Variants in MTPN observed in about 807,000 individuals in gnomAD.
MTPN encodes the protein myotrophin, also known as granule cell differentiation protein.
Under a neutral mutation model 13.5 loss-of-function variants are expected in MTPN, and 2 were observed. That is an observed-to-expected ratio of 0.15 (90% CI 0.06 to 0.47). The LOEUF is 0.47. Among genes scored for constraint, MTPN ranks in the 20% least tolerant of loss-of-function variants. The probability of loss-of-function intolerance (pLI) is 0.97; values close to 1 mark genes in which losing one functional copy is unlikely to be tolerated. For synonymous variants in MTPN, 46 were observed against 51.7 expected, an observed-to-expected ratio of 0.89 and a Z score of 0.48; for missense variants, 79 against 137.9, an observed-to-expected ratio of 0.57 and a Z score of 2.14.
In MTPN at chr7:135,950,629, A is replaced by G; in HGVS notation, c.240T>C (p.His80=). 1 of 1,613,490 alleles carries G rather than the reference A, an allele frequency of 6.2e-7. No homozygotes were observed. The change falls in exon 3 of 4, where the codon CAT becomes CAC. Residue 80 remains histidine (H), a synonymous_variant. Coordinates refer to ENST00000393085, the MANE Select transcript of MTPN (RefSeq NM_145808.4). ...TPLLSAVYEG[H]VSCVKLLLSK... Reference sequence around the variant, plus strand: ...ACAGAAGCAATTTCACACAGGAAACATGACCCTCATAGACAGCAGACAGAA... The same window carrying G: ...ACAGAAGCAATTTCACACAGGAAACGTGACCCTCATAGACAGCAGACAGAA...
At position 135,972,971 on chromosome 7, in the gene MTPN, G is replaced by A. The variant is rs573248649; in HGVS notation, c.72+4058C>T. Among the ~76,000 whole-genome samples, 4 of 151,870 alleles carry A rather than the reference G, an allele frequency of 2.6e-5. No individual in the cohort carries two copies. The East Asian group carries it at 8.0e-4, about 30-fold the overall frequency. On this transcript the variant is annotated intron_variant, in intron 1 of 3. Transcript: ENST00000393085. ...TCTACAAGGAAGAAACAGGATGGCA[G>A]GGTCTGGAGCAGAGTGCTTAGAGAG...
chr7:135,931,408 C>G (rs1162968382), intron 3 of MTPN, among the ~76,000 whole-genome samples: 1 of 152,094 alleles, frequency 6.6e-6, no homozygotes, highest in Non-Finnish European at 1.5e-5. Flanking sequence ...CAAGGAAGTA[C>G]AGGCTGATTA....
intron 1 of MTPN, among the ~76,000 whole-genome samples, chr7:135,954,811 T>G (rs371852391): frequency 2.0e-5 from 3 of 152,042 alleles, no homozygotes; most frequent in African/African-American, 7.2e-5. Flanking sequence ...GGCGTGGTGG[T>G]GGGCACCTGT....
intron 1 of MTPN, among the ~76,000 whole-genome samples, chr7:135,967,397 G>A (rs570440680): frequency 3.3e-5 from 5 of 152,178 alleles, no homozygotes; most frequent in African/African-American, 1.2e-4. Context: ...GATGTTGTGG[G>A]ACAAAAAGAA....
chr7:135,927,763 GA>G lies in MTPN; in HGVS notation c.*2162del, dbSNP rs1352329818. On this transcript the variant is annotated 3_prime_UTR_variant, in exon 4 of 4. Coordinates refer to ENST00000393085, the MANE Select transcript of MTPN (RefSeq NM_145808.4). The stretch of plus-strand genomic sequence containing the variant: ...TAGGGTTTACAAAAAGGTCGAGAAA[GA>G]AAAGCGAAGGCGAAATAGCCTCTAC... The G allele has an allele frequency of 8.6e-6, 4 of 465,912 alleles. No homozygotes were observed. In the Admixed American group the frequency reaches 1.0e-4, roughly 12 times the overall value. 28.9% of individuals were successfully genotyped at this position (465,912 alleles called of 1,614,324 possible).
intron 1 of MTPN, among the ~76,000 whole-genome samples, chr7:135,972,231 G>GCGCGCGCGCGCACACACA (rs779296906): frequency 5.6e-5 from 7 of 124,698 alleles, no homozygotes; most frequent in African/African-American, 2.1e-4. Flanking sequence ...GCACGCGCGC[G>GCGCGCGCGCGCACACACA]CACACACACA....
chr7:135,977,330 G>A lies in MTPN; in HGVS notation c.-230C>T, dbSNP rs1799797364. The A allele has an allele frequency of 3.5e-6, 2 of 574,578 alleles. No homozygotes were observed. The highest frequency in any genetic ancestry group is 3.0e-5 in the Admixed American group (1 of 33,040). 35.6% of individuals were successfully genotyped at this position (574,578 alleles called of 1,614,324 possible). ...CGGGCCCAGCAGAGAGGTTCCGCCT[G>A]GCCGAGGAGAGGCAGGAACCTTTAC... On this transcript the variant is annotated 5_prime_UTR_variant, in exon 1 of 4. Coordinates refer to ENST00000393085, the MANE Select transcript of MTPN (RefSeq NM_145808.4).
intron 1 of MTPN, among the ~76,000 whole-genome samples, chr7:135,954,480 C>T (rs1799410790): frequency 1.3e-5 from 2 of 151,988 alleles, no homozygotes; most frequent in African/African-American, 2.4e-5. Flanking sequence ...GAATGCTTAA[C>T]AATTCAGATA....
intron 1 of MTPN, among the ~76,000 whole-genome samples, chr7:135,961,342 G>A (rs1799519530): frequency 6.6e-6 from 1 of 151,796 alleles, no homozygotes; most frequent in Non-Finnish European, 1.5e-5. Flanking sequence ...AATAGTTTTA[G>A]AATTTCTTTA....
chr7:135,937,973 G>T (rs1003702633), intron 3 of MTPN, among the ~76,000 whole-genome samples: 3 of 152,130 alleles, frequency 2.0e-5, no homozygotes, highest in Non-Finnish European at 2.9e-5. Context: ...GTCTGTTTAT[G>T]TCATCTATAT....
intron 3 of MTPN, among the ~76,000 whole-genome samples, chr7:135,950,312 A>G (rs1470439107): frequency 3.9e-5 from 6 of 152,182 alleles, no homozygotes; most frequent in Non-Finnish European, 8.8e-5. Context: ...ACATTCTTCT[A>G]TATCATCAAG....
At chr7:135,968,438 GA>G (rs200580031) in intron 1 of MTPN, among the ~76,000 whole-genome samples, 8 of 147,794 alleles carry the variant, frequency 5.4e-5, no homozygotes, top group African/African-American at 1.2e-4. Context: ...TCTGTGGACT[GA>G]AAAAAAAAAT....
chr7:135,961,115 C>T (rs1799515583), intron 1 of MTPN, among the ~76,000 whole-genome samples: 1 of 152,002 alleles, frequency 6.6e-6, no homozygotes, highest in Non-Finnish European at 1.5e-5. Flanking sequence ...TGAGAACAAA[C>T]TTAAGAAATT....
At chr7:135,958,374 G>A (rs1361034450) in intron 1 of MTPN, among the ~76,000 whole-genome samples, 1 of 152,056 alleles carries the variant, frequency 6.6e-6, no homozygotes, top group Non-Finnish European at 1.5e-5. Flanking sequence ...GCAACCTGTT[G>A]CCTACCAAAC....
Position 135,977,350 on chromosome 7 carries a change from C to A in MTPN, c.-250G>T, listed in dbSNP as rs1001566846. The A allele has an allele frequency of 1.8e-5, 10 of 546,552 alleles. No homozygotes were observed. Among genetic ancestry groups the A allele is most frequent in the South Asian group, 4.0e-5 (2 of 49,650 alleles). The allele number at this position is 546,552 out of a possible 1,614,324, so 33.9% of individuals were successfully genotyped here. A position where few individuals can be genotyped will look rare whatever the true frequency, so the allele number is the denominator to read the frequency against. On this transcript the variant is annotated 5_prime_UTR_variant, in exon 1 of 4. The change creates a new upstream start codon in the 5' untranslated region. Coordinates refer to ENST00000393085, the MANE Select transcript of MTPN (RefSeq NM_145808.4). ...CGCCTGGCCGAGGAGAGGCAGGAAC[C>A]TTTACACTTCCGGTTCACTCCCCGC... is the stretch of plus-strand genomic sequence containing the variant.
chr7:135,945,640 C>T (rs1799278222), intron 3 of MTPN, among the ~76,000 whole-genome samples: 1 of 152,112 alleles, frequency 6.6e-6, no homozygotes, highest in Non-Finnish European at 1.5e-5. Context: ...GCTGTCAACT[C>T]GTATGATAAA....
intron 3 of MTPN, among the ~76,000 whole-genome samples, chr7:135,949,927 T>A (rs1290401239): frequency 6.6e-6 from 1 of 152,194 alleles, no homozygotes; most frequent in Non-Finnish European, 1.5e-5. Context: ...AAGGCTGGGA[T>A]TAAATACTAG....
chr7:135,950,665 A>G lies in MTPN; in HGVS notation c.204T>C (p.His68=). The G allele has an allele frequency of 6.2e-7, 1 of 1,610,924 alleles. No individual in the cohort carries two copies. ...GADINAPDKH[H]ITPLLSAVYE... ...AGACAGCAGACAGAAGAGGAGTAAT[A>G]TGATGTTTATCTGGAGCCTATGAAA... Residue 68 remains histidine (H), a synonymous_variant, in exon 3 of 4, where the codon CAT becomes CAC. Coordinates refer to ENST00000393085, the MANE Select transcript of MTPN (RefSeq NM_145808.4).
At chr7:135,936,374 A>G (rs1478701751) in intron 3 of MTPN, among the ~76,000 whole-genome samples, 1 of 152,224 alleles carries the variant, frequency 6.6e-6, no homozygotes, top group Non-Finnish European at 1.5e-5. Flanking sequence ...AATCCCAGCT[A>G]CTGGGGAGGC....
Sources: allele counts gnomAD v4.1 joint callset (sites outside exome capture counted in the v4.1 genomes callset), GRCh38; gene constraint gnomAD v4.1.1; transcripts MANE v1.5; gene names NCBI Gene and HGNC (gene_info 2026-07-23, HGNC 2026-07-21).